DPP10: variants seen among roughly 807,000 people sequenced by gnomAD.
The protein encoded by DPP10 is inactive dipeptidyl peptidase 10.
Under a neutral mutation model 120.9 loss-of-function variants are expected in DPP10, and 33 were observed. The ratio of observed to expected loss-of-function variants is 0.27; its 90% CI spans 0.21 to 0.37. The LOEUF (loss-of-function observed/expected upper bound fraction) is 0.37. Ranked by LOEUF, DPP10 falls within the 10% of genes least tolerant of loss-of-function variation. DPP10 has a pLI of 1.00. For synonymous variants in DPP10, 337 were observed against 326.1 expected (o/e 1.03, Z -0.36); for missense variants, 816 against 942.8 (o/e 0.87, Z 1.76).
chr2:115,564,577 T>C (rs1208930288), intron 5 of DPP10, among the ~76,000 whole-genome samples: 1 of 152,162 alleles, frequency 6.6e-6, no homozygotes, highest in Non-Finnish European at 1.5e-5. Flanking sequence ...CCATAATTTA[T>C]TTAGCTAATA....
rs570937083 is a variant in DPP10, at chr2:115,612,687, T to C, written c.442-77000T>C. Among the ~76,000 whole-genome samples, 7 of 152,286 alleles carry C rather than the reference T, an allele frequency of 4.6e-5. No homozygotes were observed. In the South Asian group the frequency reaches 1.5e-3, roughly 32 times the overall value. On this transcript the variant is annotated intron_variant, in intron 5 of 25. Transcript: ENST00000410059. ...GCTATTATGTTCCTGGGCAAGATAT[T>C]TAATGTCTCTGAGCCTCAGTTCCTT...
chr2:114,871,596 G>T (rs1445416410), intron 1 of DPP10, among the ~76,000 whole-genome samples: 2 of 152,194 alleles, frequency 1.3e-5, no homozygotes, highest in African/African-American at 2.4e-5. Flanking sequence ...GTTAGGATGT[G>T]TCTGGATGGT....
At chr2:114,511,510 T>G (rs374837201) in intron 1 of DPP10, among the ~76,000 whole-genome samples, 89 of 152,266 alleles carry the variant, frequency 5.8e-4, no homozygotes, top group African/African-American at 2.0e-3. Context: ...CACCATCCTC[T>G]GAAAGTACAG....
At chr2:114,686,366 A>T (rs890881388) in intron 1 of DPP10, among the ~76,000 whole-genome samples, 29 of 151,962 alleles carry the variant, frequency 1.9e-4, no homozygotes, top group Non-Finnish European at 7.4e-5. Flanking sequence ...AGCCACAACT[A>T]AGTTCCAGCA....
intron 3 of DPP10, among the ~76,000 whole-genome samples, chr2:115,404,431 G>A (rs1250764449): frequency 6.6e-6 from 1 of 151,912 alleles, no homozygotes; most frequent in East Asian, 1.9e-4. Context: ...ATTTAGGTGG[G>A]GACAACATCC....
At chr2:115,206,779 A>G (rs1274949767) in intron 1 of DPP10, among the ~76,000 whole-genome samples, 1 of 152,192 alleles carries the variant, frequency 6.6e-6, no homozygotes, top group Non-Finnish European at 1.5e-5. Flanking sequence ...AGTGTTCAGT[A>G]AATGCTAAGC....
At chr2:114,628,567 C>T (rs1211817496) in intron 1 of DPP10, among the ~76,000 whole-genome samples, 3 of 152,100 alleles carry the variant, frequency 2.0e-5, no homozygotes, top group African/African-American at 7.2e-5. Context: ...GGTCTTTTGC[C>T]AACCTTAATC....
At chr2:115,114,670 A>T (rs942674577) in intron 1 of DPP10, among the ~76,000 whole-genome samples, 6 of 152,164 alleles carry the variant, frequency 3.9e-5, no homozygotes, top group African/African-American at 7.2e-5. Context: ...TTCTAACGCA[A>T]GTGAGTATTT....
intron 3 of DPP10, among the ~76,000 whole-genome samples, chr2:115,498,441 T>A (rs1282716623): frequency 2.0e-5 from 3 of 152,032 alleles, no homozygotes; most frequent in African/African-American, 4.8e-5. Context: ...ATTTAGTACT[T>A]GTTTTATAAC....
chr2:115,591,250 G>T (rs2082642893), intron 5 of DPP10, among the ~76,000 whole-genome samples: 1 of 152,144 alleles, frequency 6.6e-6, no homozygotes, highest in South Asian at 2.1e-4. Context: ...GTCCTGAATG[G>T]TACTGCCTAG....
At chr2:114,705,336 G>C (rs1700623939) in intron 1 of DPP10, among the ~76,000 whole-genome samples, 1 of 151,928 alleles carries the variant, frequency 6.6e-6, no homozygotes, top group African/African-American at 2.4e-5. Context: ...ATCACTTTTG[G>C]GGGAGGATGT....
At chr2:115,117,377 G>T (rs781391895) in intron 1 of DPP10, among the ~76,000 whole-genome samples, 1 of 152,178 alleles carries the variant, frequency 6.6e-6, no homozygotes, top group African/African-American at 2.4e-5. Flanking sequence ...CCTGTGGTGT[G>T]TTTCTACACC....
chr2:115,809,484 A>G (rs1459714194), intron 19 of DPP10, among the ~76,000 whole-genome samples: 2 of 152,236 alleles, frequency 1.3e-5, no homozygotes, highest in East Asian at 3.9e-4. Flanking sequence ...GCTTCAGAAT[A>G]TAAGGTAATA....
In DPP10 at chr2:114,697,685, G is replaced by A. The variant is rs1273252930; in HGVS notation, c.60+254847G>A. Reference sequence around the variant, plus strand: ...GAATTGCTTGAACCCAGGAGGCAGAGGTTGCAGTGAGCTGAGATCGCGCAA... The same window carrying A: ...GAATTGCTTGAACCCAGGAGGCAGAAGTTGCAGTGAGCTGAGATCGCGCAA... On this transcript the variant is annotated intron_variant, in intron 1 of 25. Coordinates refer to ENST00000410059, the MANE Select transcript of DPP10 (RefSeq NM_020868.6). 1.2e-4 allele frequency among the ~76,000 whole-genome samples: 18 copies of A among 150,124 alleles called. No individual in the cohort carries two copies. In the Admixed American group the frequency reaches 1.2e-3, roughly 10 times the overall value.
intron 21 of DPP10, among the ~76,000 whole-genome samples, chr2:115,816,494 G>A (rs1330216018): frequency 6.6e-6 from 1 of 152,100 alleles, no homozygotes; most frequent in Non-Finnish European, 1.5e-5. Context: ...CGTCATCTGT[G>A]CTCTCTGCAC....
At chr2:114,780,903 T>C (rs1239593441) in intron 1 of DPP10, among the ~76,000 whole-genome samples, 2 of 152,132 alleles carry the variant, frequency 1.3e-5, no homozygotes, top group Non-Finnish European at 2.9e-5. Context: ...GGAAGATTAT[T>C]CTATTGAATA....
intron 10 of DPP10, among the ~76,000 whole-genome samples, chr2:115,748,799 A>G (rs572992641): frequency 1.5e-3 from 235 of 152,342 alleles, no homozygotes; most frequent in Non-Finnish European, 2.8e-3. Context: ...GAAAGAAATT[A>G]AAAGGATAAG....
rs937225864 is a variant in DPP10, at chr2:115,336,583, G to GTC, written c.176-7218_176-7217dup. 8.1e-3 allele frequency among the ~76,000 whole-genome samples: 789 copies of GTC among 97,104 alleles called. 2 individuals carry two copies. Among genetic ancestry groups the GTC allele is most frequent in the Non-Finnish European group, 0.016 (519 of 32,736 alleles). The allele number at this position is 97,104 out of a possible 152,430, so 63.7% of individuals were successfully genotyped here. Reference sequence around the variant, plus strand: ...ACTCTCTCTCTCTCTCTCTCTCTCTGTCTCTCTCTCTCTCTCTATATATAT... The same window carrying GTC: ...ACTCTCTCTCTCTCTCTCTCTCTCTGTCTCTCTCTCTCTCTCTCTATATATAT... On this transcript the variant is annotated intron_variant, in intron 2 of 25. Transcript: ENST00000410059.
chr2:114,493,044 C>T (rs1682143433), intron 1 of DPP10, among the ~76,000 whole-genome samples: 1 of 152,052 alleles, frequency 6.6e-6, no homozygotes, highest in Admixed American at 6.6e-5. Flanking sequence ...GAACTGAAAA[C>T]AGTTTGTAGT....
Sources: gnomAD v4.1 joint callset for allele counts (sites outside exome capture counted in the v4.1 genomes callset) on GRCh38, gnomAD v4.1.1 for gene constraint, MANE v1.5 for transcripts, NCBI Gene and HGNC (gene_info 2026-07-23, HGNC 2026-07-21) for gene names.